Variants in PXDN observed in about 807,000 individuals in gnomAD.
PXDN encodes peroxidasin, also known as peroxidasin homolog.
PXDN carries 77 observed loss-of-function variants against 140.3 expected under a neutral mutation model. The ratio of observed to expected loss-of-function variants is 0.55; its 90% CI spans 0.46 to 0.66. The LOEUF is 0.66. Ranked by LOEUF, PXDN falls within the 30% of genes least tolerant of loss-of-function variation. The pLI is 0.00. For synonymous variants in PXDN, 911 were observed against 857.4 expected (o/e 1.06, Z -1.09); for missense variants, 1,838 against 2,039.5 (o/e 0.90, Z 1.90).
rs774000388 is a variant in PXDN at position 1,639,348 on chromosome 2, G to T, written c.4027C>A (p.Gln1343Lys). ...GTTTTCTTGGTCGGCTTGTCCTCCT[G>T]GTAGCTGAACTCAAGAGACCGTCTG... Reference protein sequence around the residue: ...RGRRSLEFSYQEDKPTKKTRP... With the variant: ...RGRRSLEFSYKEDKPTKKTRP... The change falls in exon 20 of 23, where the codon CAG (glutamine) becomes AAG (lysine). Residue 1343 changes from glutamine (Q) to lysine (K), a missense_variant. Gln to Lys is a moderately conservative substitution (Grantham distance 53). This residue lies in a region of PXDN where 850 missense variants were observed against 894.1 expected (regional missense o/e 0.95). Coordinates refer to ENST00000252804, the MANE Select transcript of PXDN (RefSeq NM_012293.3). This position sits in a 1 kb window ranked among gnomAD's most constrained non-coding sequence, Gnocchi z 5.0. 6.2e-7 allele frequency: 1 copy of T among 1,613,992 alleles called. No individual in the cohort carries two copies. The highest frequency in any genetic ancestry group is 8.5e-7 in the Non-Finnish European group (1 of 1,179,878).
chr2:1,726,146 C>T (rs1225370957), intron 1 of PXDN, among the ~76,000 whole-genome samples: 1 of 152,014 alleles, frequency 6.6e-6, no homozygotes, highest in African/African-American at 2.4e-5. Context: ...TATTGCGGCA[C>T]TATTCACAAT....
chr2:1,743,891 G>A (rs1447923879), intron 1 of PXDN, among the ~76,000 whole-genome samples: 2 of 147,922 alleles, frequency 1.4e-5, no homozygotes, highest in Non-Finnish European at 1.5e-5. Flanking sequence ...GGAAGCGGGA[G>A]GCCGGCGGAG....
chr2:1,676,836 G>A (rs533560931), intron 8 of PXDN, 91 bp downstream of exon 8: 42 of 1,180,566 alleles, frequency 3.6e-5, no homozygotes, highest in South Asian at 2.0e-4. Context: ...AAAAGTGGAC[G>A]TGGGCCTTGG....
chr2:1,665,382 A>C (rs762414879), intron 10 of PXDN, among the ~76,000 whole-genome samples: 2 of 152,236 alleles, frequency 1.3e-5, no homozygotes, highest in African/African-American at 4.8e-5. Flanking sequence ...GCCGACTTAC[A>C]ACGATTCCTC....
At position 1,678,201 on chromosome 2, in the gene PXDN, C is replaced by T. The variant is rs139819419; in HGVS notation, c.731-1157G>A. 4.9e-4 allele frequency among the ~76,000 whole-genome samples: 75 copies of T among 152,218 alleles called. 1 individual carries two copies. Among genetic ancestry groups the T allele is most frequent in the Middle Eastern group, 3.4e-3 (1 of 294 alleles). On this transcript the variant is annotated intron_variant, in intron 7 of 22. Transcript: ENST00000252804. ...TTCACAGAGGTTCTCACCACTCAGG[C>T]CTTACCCGGCCTCCCTGCCTCCCTC... is the stretch of plus-strand genomic sequence containing the variant.
At chr2:1,692,717 T>C (rs1156684175) in intron 2 of PXDN, 2 of 433,428 alleles carry the variant, frequency 4.6e-6, no homozygotes, top group African/African-American at 2.0e-5. Context: ...CTGCTCAATC[T>C]TGCCACGGAG....
At chr2:1,723,326 T>TGATGAATAAATGGATGTGTGGTTATG in intron 1 of PXDN, among the ~76,000 whole-genome samples, 1 of 151,910 alleles carries the variant, frequency 6.6e-6, no homozygotes, top group Non-Finnish European at 1.5e-5. Flanking sequence ...GAGGGATGGA[T>TGATGAATAAATGGATGTGTGGTTATG]GATGAATAAA....
intron 1 of PXDN, among the ~76,000 whole-genome samples, chr2:1,708,690 TGACG>T (rs965443856): frequency 2.0e-5 from 3 of 152,162 alleles, no homozygotes; most frequent in Admixed American, 2.0e-4. Context: ...GGCCATGGTG[TGACG>T]GAACCTCCTC....
chr2:1,688,455 G>A (rs1474886929), intron 3 of PXDN, among the ~76,000 whole-genome samples: 2 of 152,200 alleles, frequency 1.3e-5, no homozygotes, highest in South Asian at 4.1e-4. Flanking sequence ...CACTTGCCAA[G>A]CCTGATGGAG....
chr2:1,740,456 T>C (rs1258034449), intron 1 of PXDN, among the ~76,000 whole-genome samples: 2 of 152,030 alleles, frequency 1.3e-5, no homozygotes, highest in Admixed American at 1.3e-4. Flanking sequence ...CTATGGACTA[T>C]GAGCCCATAG....
intron 8 of PXDN, chr2:1,676,686 C>G (rs1333236780): frequency 7.4e-6 from 4 of 543,516 alleles, no homozygotes; most frequent in Non-Finnish European, 1.3e-5. Context: ...GTTGCCCAGC[C>G]AGGGCACCCC....
chr2:1,703,380 A>C (rs1572173165), intron 1 of PXDN, among the ~76,000 whole-genome samples: 1 of 38,722 alleles, frequency 2.6e-5, no homozygotes, highest in South Asian at 1.6e-3. Context: ...GAAGTGGGGG[A>C]CAGCTCCAGG....
intron 12 of PXDN, among the ~76,000 whole-genome samples, chr2:1,663,128 A>G (rs1039391986): frequency 2.0e-5 from 3 of 152,170 alleles, no homozygotes; most frequent in Non-Finnish European, 2.9e-5. Flanking sequence ...GCGACATCCA[A>G]AAAGAACAAG....
Position 1,685,337 on chromosome 2 carries a change from C to T in PXDN, c.417-1186G>A, listed in dbSNP as rs1343340558. Among the ~76,000 whole-genome samples the T allele has an allele frequency of 3.9e-5, 6 of 152,222 alleles. No homozygotes were observed. In the East Asian group the frequency reaches 7.7e-4, roughly 20 times the overall value. ...GGAAGACAAGGAAAACCGCCGTGGG[C>T]GAGCATGACGGGCGGGCACCTGACG... is the stretch of plus-strand genomic sequence containing the variant. On this transcript the variant is annotated intron_variant, in intron 4 of 22. Coordinates refer to ENST00000252804, the MANE Select transcript of PXDN (RefSeq NM_012293.3). The surrounding 1 kb of genome is among the most constrained non-coding windows in gnomAD (Gnocchi z 5.1).
rs981397096 is a variant in PXDN at position 1,683,511 on chromosome 2, T to C, written c.560+145A>G. 9 of 791,176 alleles carry C rather than the reference T, an allele frequency of 1.1e-5. No homozygotes were observed. In the African/African-American group the frequency reaches 1.6e-4, roughly 14 times the overall value. The allele number at this position is 791,176 out of a possible 1,614,324, so 49.0% of individuals were successfully genotyped here. ...GTTTTTCATTTTGCTCTCTAATGGATTCAATCCACCCTCCATATATTCTCA... is the reference window on the plus strand; with the variant it reads ...GTTTTTCATTTTGCTCTCTAATGGACTCAATCCACCCTCCATATATTCTCA... On this transcript the variant is annotated intron_variant, in intron 6 of 22. Coordinates refer to ENST00000252804, the MANE Select transcript of PXDN (RefSeq NM_012293.3).
intron 14 of PXDN, among the ~76,000 whole-genome samples, chr2:1,658,864 C>T (rs1349823590): frequency 6.7e-6 from 1 of 150,322 alleles, no homozygotes; most frequent in Non-Finnish European, 1.5e-5. Context: ...GCTCAGAATT[C>T]AATACGCAGG....
At chr2:1,663,876 T>C in intron 11 of PXDN, 113 bp from the exon 12 acceptor site, 14 of 1,383,060 alleles carry the variant, frequency 1.0e-5, no homozygotes, top group Non-Finnish European at 1.4e-5. Flanking sequence ...GGGCGCCGGA[T>C]AATTTGGCCT....
rs939976390 is a variant in PXDN, at chr2:1,676,934, G to A, written c.841C>T (p.Arg281Ter). The A allele has an allele frequency of 5.6e-6, 9 of 1,611,122 alleles. No individual in the cohort carries two copies. Among genetic ancestry groups the A allele is most frequent in the East Asian group, 2.2e-5 (1 of 44,808 alleles). Residue 281 changes from arginine to a stop codon, truncating the protein, a stop_gained, in exon 8 of 23, where the codon CGA (arginine) becomes TGA (stop). Transcript: ENST00000252804. LOFTEE classifies it high-confidence loss of function. Reference sequence around the variant, plus strand: ...TGTTTGGCCCCAACTCACTTGTTTCGCAGCCAGATGATCTCAGGCTTGGGG... The same window carrying A: ...TGTTTGGCCCCAACTCACTTGTTTCACAGCCAGATGATCTCAGGCTTGGGG... The part of the protein sequence containing the change: ...GNPKPEIIWL[R>*]NNNELSMKTD...
intron 21 of PXDN, among the ~76,000 whole-genome samples, chr2:1,637,471 C>G (rs941990136): frequency 1.3e-5 from 2 of 151,680 alleles, no homozygotes; most frequent in Non-Finnish European, 2.9e-5. Flanking sequence ...ACCTGCCACA[C>G]GCTGTCCACT....
Sources: allele counts gnomAD v4.1 joint callset (sites outside exome capture counted in the v4.1 genomes callset), GRCh38; gene constraint gnomAD v4.1.1; regional missense constraint gnomAD v4.1.1; non-coding constraint Gnocchi (gnomAD v3.1); transcripts MANE v1.5; gene names NCBI Gene and HGNC (gene_info 2026-07-23, HGNC 2026-07-21).